Variants in MAGI2 observed in about 807,000 individuals in gnomAD.
MAGI2 encodes the protein membrane-associated guanylate kinase, WW and PDZ domain-containing protein 2.
In MAGI2, 35 loss-of-function variants were observed where a neutral mutation model predicts 133.3. The observed-to-expected ratio is 0.26, with a 90% CI of 0.20 to 0.35. The LOEUF (loss-of-function observed/expected upper bound fraction) is 0.35, where lower values mean the gene tolerates loss of function less well. Among genes scored for constraint, MAGI2 ranks in the 10% least tolerant of loss-of-function variants. The pLI is 1.00. For synonymous variants in MAGI2, 729 were observed against 710.6 expected (o/e 1.03, Z -0.41); for missense variants, 1,636 against 1,863.4 (o/e 0.88, Z 2.25).
intron 12 of MAGI2, among the ~76,000 whole-genome samples, chr7:78,192,691 T>G (rs1828348865): frequency 6.6e-6 from 1 of 152,192 alleles, no homozygotes; most frequent in African/African-American, 2.4e-5. Context: ...ACACTCCATT[T>G]AGTGTTATGA....
Position 78,578,313 on chromosome 7 carries a change from A to G in MAGI2, c.538+48807T>C, listed in dbSNP as rs377189961. Reference sequence around the variant, plus strand: ...TTGAGAGAGAGCTATGAAGATGAAAATATTACATATAATAAAGGACAATGT... The same window carrying G: ...TTGAGAGAGAGCTATGAAGATGAAAGTATTACATATAATAAAGGACAATGT... On this transcript the variant is annotated intron_variant, in intron 3 of 21. Coordinates refer to ENST00000354212, the MANE Select transcript of MAGI2 (RefSeq NM_012301.4). Among the ~76,000 whole-genome samples the G allele has an allele frequency of 7.9e-5, 12 of 152,096 alleles. 1 individual carries two copies. The highest frequency in any genetic ancestry group is 7.2e-4 in the Admixed American group (11 of 15,276).
intron 4 of MAGI2, among the ~76,000 whole-genome samples, chr7:78,505,373 T>C (rs1295431108): frequency 6.6e-6 from 1 of 152,300 alleles, no homozygotes; most frequent in African/African-American, 2.4e-5. Context: ...AATATGGCCC[T>C]TAATGATAGA....
intron 1 of MAGI2, among the ~76,000 whole-genome samples, chr7:79,063,906 A>G (rs2117092117): frequency 6.6e-6 from 1 of 152,250 alleles, no homozygotes; most frequent in Non-Finnish European, 1.5e-5. Flanking sequence ...GCCCTTGTCT[A>G]AAGGAAGTTT....
intron 3 of MAGI2, among the ~76,000 whole-genome samples, chr7:78,556,244 C>T (rs1447562088): frequency 6.6e-6 from 1 of 152,156 alleles, no homozygotes; most frequent in Admixed American, 6.5e-5. Context: ...CAGGGGTCAA[C>T]TTATGGTTAG....
At chr7:78,544,532 T>G (rs1798660957) in intron 3 of MAGI2, among the ~76,000 whole-genome samples, 1 of 152,208 alleles carries the variant, frequency 6.6e-6, no homozygotes, top group Non-Finnish European at 1.5e-5. Context: ...AAATAAAATA[T>G]AACAGATCTT....
chr7:78,114,645 T>C (rs1819680035), intron 20 of MAGI2, among the ~76,000 whole-genome samples: 1 of 152,066 alleles, frequency 6.6e-6, no homozygotes, highest in Non-Finnish European at 1.5e-5. Context: ...GAGGTGACAG[T>C]GTGTGGCAGG....
At chr7:78,428,366 CA>C (rs1799482980) in intron 6 of MAGI2, among the ~76,000 whole-genome samples, 1 of 152,038 alleles carries the variant, frequency 6.6e-6, no homozygotes, top group Admixed American at 6.6e-5. Flanking sequence ...TTGTTAAATG[CA>C]AATGTTTATC....
chr7:79,433,710 A>G (rs1051142699), intron 1 of MAGI2, among the ~76,000 whole-genome samples: 2 of 152,300 alleles, frequency 1.3e-5, no homozygotes, highest in Non-Finnish European at 2.9e-5. Context: ...GTTGCCCCTA[A>G]GTAAATTCAG....
chr7:79,363,309 G>A (rs1585710239), intron 1 of MAGI2, among the ~76,000 whole-genome samples: 1 of 147,486 alleles, frequency 6.8e-6, no homozygotes, highest in Non-Finnish European at 1.5e-5. Context: ...TCCAATACAC[G>A]AACAGAGTAT....
chr7:78,458,307 A>AAAAAAAAAG (rs1789561372), intron 6 of MAGI2, among the ~76,000 whole-genome samples: 1 of 151,718 alleles, frequency 6.6e-6, no homozygotes, highest in Non-Finnish European at 1.5e-5. Context: ...AAAAAAAAAA[A>AAAAAAAAAG]AAGAATAAAA....
intron 2 of MAGI2, among the ~76,000 whole-genome samples, chr7:78,862,487 C>T (rs1794230004): frequency 1.3e-5 from 2 of 152,088 alleles, no homozygotes; most frequent in African/African-American, 4.8e-5. Context: ...TGGAGTTTGT[C>T]CAGGAAGGGT....
intron 1 of MAGI2, among the ~76,000 whole-genome samples, chr7:79,036,694 A>T (rs868642313): frequency 2.0e-4 from 31 of 152,316 alleles, no homozygotes; most frequent in Middle Eastern, 3.4e-3. Context: ...TCAATGCACA[A>T]AAGAAGCAAA....
chr7:78,940,994 CG>C (rs1800919855), intron 2 of MAGI2: 1 of 152,112 alleles, frequency 6.6e-6, no homozygotes, highest in African/African-American at 2.4e-5. Context: ...ATGGGGAAGC[CG>C]CTTTCATATT....
At chr7:78,032,257 C>G (rs1210626808) in intron 21 of MAGI2, among the ~76,000 whole-genome samples, 2 of 152,248 alleles carry the variant, frequency 1.3e-5, no homozygotes, top group East Asian at 1.9e-4. Context: ...TTTAGTCACC[C>G]AGGCTGCAGT....
intron 2 of MAGI2, among the ~76,000 whole-genome samples, chr7:78,655,903 C>T (rs1472828056): frequency 1.3e-5 from 2 of 150,516 alleles, no homozygotes; most frequent in Non-Finnish European, 3.0e-5. Context: ...ATGGCCTGAA[C>T]CCGGGAGGCG....
At chr7:78,630,925 A>G (rs1377657185) in intron 2 of MAGI2, among the ~76,000 whole-genome samples, 1 of 152,046 alleles carries the variant, frequency 6.6e-6, no homozygotes, top group Non-Finnish European at 1.5e-5. Context: ...CCATCCAGGG[A>G]TCATCCTTTG....
rs538607900 is a variant in MAGI2 at position 79,054,492 on chromosome 7, T to C, written c.302-47286A>G. On this transcript the variant is annotated intron_variant, in intron 1 of 21. Transcript: ENST00000354212. Reference sequence around the variant, plus strand: ...TTACCTGAGTTCAAAACAAACTTGTTTCCTTTTGGATTGCTTGATTCAATC... The same window carrying C: ...TTACCTGAGTTCAAAACAAACTTGTCTCCTTTTGGATTGCTTGATTCAATC... Among the ~76,000 whole-genome samples, 4 of 152,296 alleles carry C rather than the reference T, an allele frequency of 2.6e-5. No homozygotes were observed. The South Asian group carries it at 8.3e-4, about 32-fold the overall frequency.
At chr7:79,021,821 G>T (rs146469473) in intron 1 of MAGI2, among the ~76,000 whole-genome samples, 51 of 144,958 alleles carry the variant, frequency 3.5e-4, no homozygotes, top group African/African-American at 1.3e-3. Flanking sequence ...GAGGGGCCAG[G>T]GTGGAATGAT....
chr7:78,687,814 C>T (rs1159612647), intron 2 of MAGI2, among the ~76,000 whole-genome samples: 1 of 150,848 alleles, frequency 6.6e-6, no homozygotes, highest in Non-Finnish European at 1.5e-5. Flanking sequence ...ACTAAAAATA[C>T]AAAAATTAGT....
Sources: gnomAD v4.1 joint callset for allele counts (sites outside exome capture counted in the v4.1 genomes callset) on GRCh38, gnomAD v4.1.1 for gene constraint, MANE v1.5 for transcripts, NCBI Gene and HGNC (gene_info 2026-07-23, HGNC 2026-07-21) for gene names.